Variants in LIMD1 observed in about 807,000 individuals in gnomAD.
The protein encoded by LIMD1 is LIM domain-containing protein 1.
A neutral mutation model predicts 58.4 loss-of-function variants in LIMD1; 23 were observed. The observed-to-expected ratio is 0.39, with a 90% CI of 0.28 to 0.56. The LOEUF (loss-of-function observed/expected upper bound fraction) is 0.56. Ranked by LOEUF, LIMD1 falls within the 20% of genes least tolerant of loss-of-function variation. The pLI, the probability that LIMD1 is intolerant of heterozygous loss-of-function variation, is 0.57. For synonymous variants in LIMD1, 334 were observed against 345.5 expected (o/e 0.97, Z 0.37); for missense variants, 838 against 855.5 (o/e 0.98, Z 0.25).
chr3:45,639,779 C>T (rs1701824155), intron 2 of LIMD1, among the ~76,000 whole-genome samples: 1 of 152,216 alleles, frequency 6.6e-6, no homozygotes, highest in African/African-American at 2.4e-5. Flanking sequence ...TCTCCTGCCT[C>T]AGCCTCCCAA....
chr3:45,643,527 G>C (rs992056889), intron 2 of LIMD1, among the ~76,000 whole-genome samples: 1 of 152,052 alleles, frequency 6.6e-6, no homozygotes, highest in Non-Finnish European at 1.5e-5. Context: ...AAGTAGGCAA[G>C]GTCCTGTGTG....
chr3:45,603,090 C>T (rs997444815), intron 1 of LIMD1, among the ~76,000 whole-genome samples: 2 of 152,238 alleles, frequency 1.3e-5, no homozygotes, highest in African/African-American at 4.8e-5. Flanking sequence ...ATCTGCCCGC[C>T]TTGGCCTCCC....
intron 2 of LIMD1, among the ~76,000 whole-genome samples, chr3:45,651,736 G>A (rs1442668586): frequency 1.3e-5 from 2 of 151,994 alleles, no homozygotes; most frequent in African/African-American, 2.4e-5. Context: ...GGGTTCAAGC[G>A]ATTCTCCTTC....
chr3:45,651,272 A>T (rs921490588), intron 2 of LIMD1, among the ~76,000 whole-genome samples: 1 of 152,148 alleles, frequency 6.6e-6, no homozygotes, highest in Non-Finnish European at 1.5e-5. Context: ...ATTTTCTCCC[A>T]TTCTGTAGGT....
intron 7 of LIMD1, 65 bp from the exon 8 acceptor site, chr3:45,676,857 G>A: frequency 1.3e-6 from 2 of 1,514,980 alleles, no homozygotes; most frequent in Non-Finnish European, 1.8e-6. Context: ...GGGGACTGTG[G>A]CCTTCAGGTC....
intron 1 of LIMD1, among the ~76,000 whole-genome samples, chr3:45,632,758 T>TG (rs1366031446): frequency 1.3e-5 from 2 of 152,224 alleles, no homozygotes; most frequent in Non-Finnish European, 2.9e-5. Context: ...CAGTGGCAGA[T>TG]GCACCACCAC....
At chr3:45,654,454 T>C (rs1313411728) in intron 2 of LIMD1, among the ~76,000 whole-genome samples, 2 of 152,218 alleles carry the variant, frequency 1.3e-5, no homozygotes, top group Admixed American at 6.5e-5. Flanking sequence ...TCCTTAACTC[T>C]TGTTTCCTTT....
intron 1 of LIMD1, among the ~76,000 whole-genome samples, chr3:45,629,601 T>A (rs71325079): frequency 6.6e-6 from 1 of 152,026 alleles, no homozygotes; most frequent in Non-Finnish European, 1.5e-5. Flanking sequence ...CCAGCCTGCC[T>A]TGCTCCCATC....
intron 1 of LIMD1, chr3:45,635,932 A>G (rs573016804): frequency 3.0e-6 from 3 of 985,142 alleles, no homozygotes; most frequent in Non-Finnish European, 3.6e-6. Context: ...TGGGGCAGGG[A>G]AAGTGGGACC....
intron 6 of LIMD1, among the ~76,000 whole-genome samples, chr3:45,674,096 A>G (rs911405817): frequency 1.3e-5 from 2 of 152,180 alleles, no homozygotes; most frequent in African/African-American, 4.8e-5. Context: ...ATAAGTGTCC[A>G]TGTAGGTCTT....
chr3:45,653,768 G>A (rs1701996935), intron 2 of LIMD1, among the ~76,000 whole-genome samples: 1 of 151,812 alleles, frequency 6.6e-6, no homozygotes, highest in East Asian at 1.9e-4. Context: ...AAATTACCTG[G>A]GAGTGATGGT....
At chr3:45,629,712 C>T (rs62242172) in intron 1 of LIMD1, among the ~76,000 whole-genome samples, 27,862 of 152,056 alleles carry the variant, frequency 0.18, 2,733 homozygotes, top group Non-Finnish European at 0.23. Context: ...AGCTGGATGG[C>T]GAGAGGATGC....
Position 45,665,596 on chromosome 3 carries a change from A to G in LIMD1, c.1511-54A>G, listed in dbSNP as rs1575365634. On this transcript the variant is annotated intron_variant, in intron 2 of 7. Coordinates refer to ENST00000273317, the MANE Select transcript of LIMD1 (RefSeq NM_014240.3). ...TTGCTTTTCACTTTTCACTTTTTCC[A>G]CTGCATATTAAAATTTTTCTTTTTT... 10 of 1,412,546 alleles carry G rather than the reference A, an allele frequency of 7.1e-6. No individual in the cohort carries two copies. In the East Asian group the frequency reaches 2.3e-4, roughly 32 times the overall value. The allele number at this position is 1,412,546 out of a possible 1,614,324, so 87.5% of individuals were successfully genotyped here.
At chr3:45,673,242 G>A (rs1697618535) in intron 5 of LIMD1, among the ~76,000 whole-genome samples, 1 of 152,160 alleles carries the variant, frequency 6.6e-6, no homozygotes, top group Non-Finnish European at 1.5e-5. Flanking sequence ...CCCCAGAAGA[G>A]TGAGAGGCAG....
chr3:45,636,093 T>C, intron 1 of LIMD1, 57 bp from the exon 2 acceptor site: 2 of 1,606,416 alleles, frequency 1.2e-6, no homozygotes, highest in Non-Finnish European at 8.5e-7. Flanking sequence ...GGCTTTTTTA[T>C]GACTCAGTTT....
chr3:45,600,035 A>G (rs1486479831), intron 1 of LIMD1, among the ~76,000 whole-genome samples: 2 of 152,330 alleles, frequency 1.3e-5, no homozygotes, highest in Admixed American at 1.3e-4. Context: ...GAGGCTGGAC[A>G]GCTGAGGGGC....
At chr3:45,622,657 T>G (rs1254133994) in intron 1 of LIMD1, among the ~76,000 whole-genome samples, 2 of 151,792 alleles carry the variant, frequency 1.3e-5, no homozygotes, top group Non-Finnish European at 2.9e-5. Context: ...AGTGTGAACT[T>G]TTTTAAAGGA....
At chr3:45,640,987 G>A (rs1189119443) in intron 2 of LIMD1, among the ~76,000 whole-genome samples, 2 of 152,192 alleles carry the variant, frequency 1.3e-5, no homozygotes, top group African/African-American at 4.8e-5. Context: ...GACACTGGAG[G>A]TGACTTGTCT....
chr3:45,657,721 G>T (rs117088682), intron 2 of LIMD1, among the ~76,000 whole-genome samples: 2 of 152,006 alleles, frequency 1.3e-5, no homozygotes, highest in Non-Finnish European at 2.9e-5. Context: ...CTTACTACCT[G>T]GGTAAGCCTC....
Sources: gnomAD v4.1 joint callset for allele counts (sites outside exome capture counted in the v4.1 genomes callset) on GRCh38, gnomAD v4.1.1 for gene constraint, MANE v1.5 for transcripts, NCBI Gene and HGNC (gene_info 2026-07-23, HGNC 2026-07-21) for gene names.